The following CUTC variants were observed in gnomAD, a reference collection of about 807,000 sequenced individuals.
The protein encoded by CUTC is copper homeostasis protein cutC homolog.
Under a neutral mutation model 36.2 loss-of-function variants are expected in CUTC, and 27 were observed. That is an observed-to-expected ratio of 0.75 (90% CI 0.55 to 1.03). The LOEUF (loss-of-function observed/expected upper bound fraction) is 1.03, where lower values mean the gene tolerates loss of function less well. Among genes scored for constraint, CUTC ranks in the 50% least tolerant of loss-of-function variants. The pLI is 0.00. For missense variants in CUTC, 315 were observed against 343.5 expected (o/e 0.92, Z 0.66); for synonymous variants, 114 against 118.3 (o/e 0.96, Z 0.24).
chr10:99,750,091 A>G (rs2037405550), intron 6 of CUTC, among the ~76,000 whole-genome samples: 1 of 152,108 alleles, frequency 6.6e-6, no homozygotes, highest in African/African-American at 2.4e-5. Flanking sequence ...GGGGGCTTAT[A>G]TACCATCTTA....
rs772363665 is a variant in CUTC, at chr10:99,747,425, C to CT, written c.573+36dup. 3.1e-6 allele frequency: 5 copies of CT among 1,612,728 alleles called. No homozygotes were observed. The South Asian group carries it at 5.5e-5, about 18-fold the overall frequency. On this transcript the variant is annotated intron_variant, in intron 6 of 8. Transcript: ENST00000370476. ...CTTTATCTTTTTTTCCCCTAAGACT[C>CT]TGTTGTGGTTACTCCTGACATTCTG...
intron 3 of CUTC, among the ~76,000 whole-genome samples, chr10:99,741,024 T>C (rs2133668004): frequency 1.3e-5 from 2 of 152,342 alleles, no homozygotes; most frequent in East Asian, 3.9e-4. Flanking sequence ...AATTCTAACA[T>C]CTATATCAGT....
chr10:99,743,293 G>A lies in CUTC; in HGVS notation c.334G>A (p.Asp112Asn). The change falls in exon 4 of 9, where the codon GAT (aspartate) becomes AAT (asparagine). Residue 112 changes from aspartate (D) to asparagine (N), a missense_variant. Transcript: ENST00000370476. ...TCGTCTTGCCAAGCTTTATGGTGCTGATGGTTTGGTTTTTGGGGCATTGAC... is the reference window on the plus strand; with the variant it reads ...TCGTCTTGCCAAGCTTTATGGTGCTAATGGTTTGGTTTTTGGGGCATTGAC... ...DIRLAKLYGA[D>N]GLVFGALTED... The A allele has an allele frequency of 6.2e-7, 1 of 1,614,166 alleles. No individual in the cohort carries two copies. Among genetic ancestry groups the A allele is most frequent in the African/African-American group, 1.3e-5 (1 of 75,034 alleles).
chr10:99,739,680 A>C (rs1045871841), intron 2 of CUTC, 30 bp from the exon 3 acceptor site: 16 of 1,602,248 alleles, frequency 1.0e-5, no homozygotes, highest in Middle Eastern at 3.3e-4. Flanking sequence ...ATTTTTTAAA[A>C]ATGTGTTGAG....
intron 3 of CUTC, among the ~76,000 whole-genome samples, chr10:99,741,013 G>A (rs577192987): frequency 7.2e-5 from 11 of 152,192 alleles, no homozygotes; most frequent in South Asian, 4.1e-4. Flanking sequence ...CCTTGTCTGC[G>A]AATTCTAACA....
rs2133683219 is a variant in CUTC at position 99,755,875 on chromosome 10, G to A, written c.*136G>A. ...TTGTTTTAAGTTTCACATGGCCATG[G>A]AGAATGTGCCCAAGAAGAAAAAGAA... On this transcript the variant is annotated 3_prime_UTR_variant, in exon 9 of 9. Transcript: ENST00000370476. The A allele has an allele frequency of 1.7e-6, 1 of 586,690 alleles. No individual in the cohort carries two copies. The highest frequency in any genetic ancestry group is 3.0e-6 in the Non-Finnish European group (1 of 331,830). 36.3% of individuals were successfully genotyped at this position (586,690 alleles called of 1,614,324 possible). A position where few individuals can be genotyped will look rare whatever the true frequency, so the allele number is the denominator to read the frequency against.
At chr10:99,754,077 T>C (rs2133681473) in intron 7 of CUTC, among the ~76,000 whole-genome samples, 1 of 152,356 alleles carries the variant, frequency 6.6e-6, no homozygotes, top group Non-Finnish European at 1.5e-5. Context: ...ACTAATAACC[T>C]GTATAATACC....
At chr10:99,736,024 C>G (rs1284002437) in intron 1 of CUTC, among the ~76,000 whole-genome samples, 1 of 152,216 alleles carries the variant, frequency 6.6e-6, no homozygotes, top group African/African-American at 2.4e-5. Context: ...ACATTTTCCT[C>G]AGTATAATTT....
chr10:99,738,014 T>C (rs2037310488), intron 2 of CUTC, among the ~76,000 whole-genome samples: 1 of 151,924 alleles, frequency 6.6e-6, no homozygotes, highest in South Asian at 2.1e-4. Context: ...GGCGTGGTAG[T>C]GCATGCCTGT....
intron 7 of CUTC, among the ~76,000 whole-genome samples, chr10:99,750,704 T>C (rs2037409323): frequency 6.6e-6 from 1 of 152,228 alleles, no homozygotes; most frequent in African/African-American, 2.4e-5. Context: ...TGAATTCAGA[T>C]GTTCATCTCT....
chr10:99,743,252 T>A lies in CUTC; in HGVS notation c.293T>A (p.Val98Glu). 6.2e-7 allele frequency: 1 copy of A among 1,614,134 alleles called. No individual in the cohort carries two copies. The highest frequency in any genetic ancestry group is 1.3e-5 in the African/African-American group (1 of 75,022). Residue 98 changes from valine to glutamate, a missense_variant, in exon 4 of 9, where the codon GTG becomes GAG. Val to Glu is a moderately radical substitution (Grantham distance 121, BLOSUM62 -2). Coordinates refer to ENST00000370476, the MANE Select transcript of CUTC (RefSeq NM_015960.3). ...TTGTATTCAGATCGTGAAATTGAGG[T>A]GATGAAGGCTGACATTCGTCTTGCC... is the stretch of plus-strand genomic sequence containing the variant. Reference protein sequence around the residue: ...DFLYSDREIEVMKADIRLAKL... With the variant: ...DFLYSDREIEEMKADIRLAKL...
At chr10:99,737,128 A>G (rs1036447668) in intron 2 of CUTC, among the ~76,000 whole-genome samples, 4 of 151,978 alleles carry the variant, frequency 2.6e-5, no homozygotes, top group African/African-American at 7.3e-5. Flanking sequence ...AAATTAGCCA[A>G]GCGTGGTGGT....
chr10:99,733,202 G>A (rs1248195482), intron 1 of CUTC, among the ~76,000 whole-genome samples: 1 of 152,076 alleles, frequency 6.6e-6, no homozygotes, highest in East Asian at 1.9e-4. Context: ...CCAGTTACTC[G>A]GGAGGCTGAG....
At chr10:99,747,153 C>A in intron 5 of CUTC, 104 bp from the exon 6 acceptor site, 2 of 1,270,826 alleles carry the variant, frequency 1.6e-6, no homozygotes, top group Non-Finnish European at 2.2e-6. Context: ...CTTTGTAAGC[C>A]AGTACAAGCT....
rs577690299 is a variant in CUTC at position 99,737,293 on chromosome 10, CCTT to C, written c.133+980_133+982del. ...AAAAAAAAAAAAAAGTTAAAAAAAT[CCTT>C]CTTACTTTGGCAATAGAAAAGAATG... On this transcript the variant is annotated intron_variant, in intron 2 of 8. Coordinates refer to ENST00000370476, the MANE Select transcript of CUTC (RefSeq NM_015960.3). 2.4e-4 allele frequency among the ~76,000 whole-genome samples: 37 copies of C among 151,840 alleles called. No homozygotes were observed. In the South Asian group the frequency reaches 7.5e-3, roughly 31 times the overall value.
chr10:99,735,284 C>T (rs1224964798), intron 1 of CUTC, among the ~76,000 whole-genome samples: 1 of 151,976 alleles, frequency 6.6e-6, no homozygotes, highest in Non-Finnish European at 1.5e-5. Context: ...AAATTTTCTA[C>T]TTTGGGAGAC....
At chr10:99,741,892 C>CT (rs1186386534) in intron 3 of CUTC, among the ~76,000 whole-genome samples, 3 of 152,104 alleles carry the variant, frequency 2.0e-5, no homozygotes, top group Non-Finnish European at 4.4e-5. Flanking sequence ...AAAAAAAATC[C>CT]TTTTTTTAAA....
chr10:99,745,892 A>T (rs1012956249), intron 5 of CUTC, among the ~76,000 whole-genome samples: 1 of 152,234 alleles, frequency 6.6e-6, no homozygotes, highest in African/African-American at 2.4e-5. Context: ...GTGAAACTTC[A>T]TATAGTCTGT....
intron 5 of CUTC, 107 bp downstream of exon 5, chr10:99,744,179 A>G: frequency 1.2e-6 from 1 of 855,602 alleles, no homozygotes; most frequent in Non-Finnish European, 1.8e-6. Flanking sequence ...TTCCAAGGTT[A>G]CCAATTGGTT....
Sources: gnomAD v4.1 joint callset for allele counts (sites outside exome capture counted in the v4.1 genomes callset) on GRCh38, gnomAD v4.1.1 for gene constraint, MANE v1.5 for transcripts, NCBI Gene and HGNC (gene_info 2026-07-23, HGNC 2026-07-21) for gene names.